EFNA1: variants seen among roughly 807,000 people sequenced by gnomAD.
The protein encoded by EFNA1 is ephrin-A1.
A neutral mutation model predicts 23.2 loss-of-function variants in EFNA1; 8 were observed. The ratio of observed to expected loss-of-function variants is 0.34; its 90% CI spans 0.20 to 0.62. The LOEUF is 0.62. EFNA1 is among the 20% of genes least tolerant of loss of function. EFNA1 has a pLI of 0.75. For missense variants in EFNA1, 217 were observed against 260.0 expected (o/e 0.83, Z 1.14); for synonymous variants, 89 against 98.6 (o/e 0.90, Z 0.58).
rs540289999 is a variant in EFNA1 at position 155,131,309 on chromosome 1, C to T, written c.93-30C>T. 4 of 1,586,804 alleles carry T rather than the reference C, an allele frequency of 2.5e-6. No individual in the cohort carries two copies. In the South Asian group the frequency reaches 3.3e-5, roughly 13 times the overall value. Reference sequence around the variant, plus strand: ...ATCTGGCCTGGCTTCTGAATGACCACCTGCTTCTTCCCCCTGTGTGTGTCC... The same window carrying T: ...ATCTGGCCTGGCTTCTGAATGACCATCTGCTTCTTCCCCCTGTGTGTGTCC... On this transcript the variant is annotated intron_variant, in intron 1 of 4. Coordinates refer to ENST00000368407, the MANE Select transcript of EFNA1 (RefSeq NM_004428.3).
rs748308594 is a variant in EFNA1 at position 155,134,027 on chromosome 1, C to A, written c.578C>A (p.Thr193Asn). 1.1e-5 allele frequency: 18 copies of A among 1,614,186 alleles called. No individual in the cohort carries two copies. The highest frequency in any genetic ancestry group is 1.5e-5 in the Non-Finnish European group (18 of 1,180,042). Reference sequence around the variant, plus strand: ...CCACGCCTCTTCCCACTTGCCTGGACTGTGCTGCTCCTTCCACTTCTGCTG... The same window carrying A: ...CCACGCCTCTTCCCACTTGCCTGGAATGTGCTGCTCCTTCCACTTCTGCTG... ...AAPRLFPLAW[T>N]VLLLPLLLLQ... Residue 193 changes from threonine to asparagine, a missense_variant, in exon 5 of 5, where the codon ACT (threonine) becomes AAT (asparagine). Physicochemically the swap from Thr to Asn is moderately conservative, Grantham distance 65 (BLOSUM62 0). Coordinates refer to ENST00000368407, the MANE Select transcript of EFNA1 (RefSeq NM_004428.3).
intron 2 of EFNA1, among the ~76,000 whole-genome samples, chr1:155,132,489 C>T (rs1472889009): frequency 6.6e-6 from 1 of 151,644 alleles, no homozygotes; most frequent in East Asian, 2.0e-4. Context: ...CTCAAGTGAT[C>T]TGCCCGCCTC....
At chr1:155,132,725 T>C (rs1428891461) in intron 2 of EFNA1, among the ~76,000 whole-genome samples, 5 of 151,008 alleles carry the variant, frequency 3.3e-5, no homozygotes, top group South Asian at 2.1e-4. Flanking sequence ...AGCTACTCAA[T>C]AGGCTGAGGC....
chr1:155,130,433 C>G (rs1664208310), intron 1 of EFNA1: 6 of 859,084 alleles, frequency 7.0e-6, no homozygotes, highest in Non-Finnish European at 7.0e-6. Flanking sequence ...GGGGAATGAA[C>G]TAGGGGAGGG....
At chr1:155,131,811 A>G (rs1439337620) in intron 2 of EFNA1, among the ~76,000 whole-genome samples, 177 bp downstream of exon 2, 2 of 152,174 alleles carry the variant, frequency 1.3e-5, no homozygotes, top group Non-Finnish European at 2.9e-5. Flanking sequence ...CACTCTGTTT[A>G]GCGCTATGAG....
Position 155,134,121 on chromosome 1 carries a change from C to A in EFNA1, c.*54C>A. ...GGGACAGGCTGAAGAGAGGGACAGGCACTCCAAACCTGTCTTGGGGCCACT... is the reference window on the plus strand; with the variant it reads ...GGGACAGGCTGAAGAGAGGGACAGGAACTCCAAACCTGTCTTGGGGCCACT... On this transcript the variant is annotated 3_prime_UTR_variant, in exon 5 of 5. Transcript: ENST00000368407. 6.4e-7 allele frequency: 1 copy of A among 1,553,838 alleles called. No individual in the cohort carries two copies. Among genetic ancestry groups the A allele is most frequent in the Non-Finnish European group, 8.8e-7 (1 of 1,138,080 alleles).
chr1:155,132,038 G>A (rs890950186), intron 2 of EFNA1, among the ~76,000 whole-genome samples: 1 of 151,944 alleles, frequency 6.6e-6, no homozygotes, highest in Non-Finnish European at 1.5e-5. Context: ...AGCTGGCCAG[G>A]CATGAAGGCA....
intron 2 of EFNA1, among the ~76,000 whole-genome samples, chr1:155,132,456 C>CCAA: frequency 6.6e-6 from 1 of 151,224 alleles, no homozygotes; most frequent in South Asian, 2.1e-4. Context: ...CCATGTTGGT[C>CCAA]AGACTGGTCT....
chr1:155,127,918 G>A lies in EFNA1; in HGVS notation c.-60G>A, dbSNP rs1664134016. ...GCTGACTGCGCCGCGGAGAAAGCCA[G>A]TGGGAACCCAGACCCATAGGAGACC... On this transcript the variant is annotated 5_prime_UTR_variant, in exon 1 of 5. In the 5' UTR this introduces an upstream ATG that the reference lacks. Coordinates refer to ENST00000368407, the MANE Select transcript of EFNA1 (RefSeq NM_004428.3). This position sits in a 1 kb window ranked among gnomAD's most constrained non-coding sequence, Gnocchi z 4.4. 1 of 1,381,398 alleles carries A rather than the reference G, an allele frequency of 7.2e-7. No individual in the cohort carries two copies. The highest frequency in any genetic ancestry group is 1.8e-5 in the Admixed American group (1 of 54,626). The allele number at this position is 1,381,398 out of a possible 1,614,324, so 85.6% of individuals were successfully genotyped here. A position where few individuals can be genotyped will look rare whatever the true frequency, so the allele number is the denominator to read the frequency against.
intron 1 of EFNA1, 161 bp from the exon 2 acceptor site, chr1:155,131,178 T>A: frequency 7.5e-7 from 1 of 1,341,308 alleles, no homozygotes; most frequent in Non-Finnish European, 9.9e-7. Context: ...CAGAGAGAAA[T>A]GTAAGACATC....
In EFNA1 at chr1:155,133,541, T is replaced by C. The variant is rs750972580; in HGVS notation, c.427T>C (p.Leu143=). 1.2e-6 allele frequency: 2 copies of C among 1,613,982 alleles called. No homozygotes were observed. Among genetic ancestry groups the C allele is most frequent in the Admixed American group, 1.7e-5 (1 of 59,966 alleles). The change falls in exon 3 of 5, where the codon TTG becomes CTG. Residue 143 remains leucine (L), a synonymous_variant. Transcript: ENST00000368407. ...CCAGCATGAAGACCGCTGCTTGAGGTTGAAGGTGACTGTCAGTGGCAAAAT... is the reference window on the plus strand; with the variant it reads ...CCAGCATGAAGACCGCTGCTTGAGGCTGAAGGTGACTGTCAGTGGCAAAAT... ...IHQHEDRCLR[L]KVTVSGKITH...
intron 1 of EFNA1, among the ~76,000 whole-genome samples, chr1:155,128,717 C>G (rs1189229643): frequency 1.6e-4 from 24 of 152,120 alleles, no homozygotes; most frequent in Admixed American, 1.6e-3. Flanking sequence ...AGAGGGAGAT[C>G]ATGGGAAAGC....
chr1:155,128,645 T>C (rs1256611549), intron 1 of EFNA1, among the ~76,000 whole-genome samples: 4 of 152,146 alleles, frequency 2.6e-5, no homozygotes, highest in African/African-American at 9.7e-5. Context: ...ATGCTGTGCA[T>C]GGGTAGGCTG....
rs1357831879 is a variant in EFNA1 at position 155,134,535 on chromosome 1, T to C, written c.*468T>C. On this transcript the variant is annotated 3_prime_UTR_variant, in exon 5 of 5. Coordinates refer to ENST00000368407, the MANE Select transcript of EFNA1 (RefSeq NM_004428.3). ...CCAGGTACAGGAGAGGCAGCATGCT[T>C]GGGCTGACCCAGCATCTCCCAGCAA... 4.9e-6 allele frequency: 1 copy of C among 202,350 alleles called. No homozygotes were observed. The highest frequency in any genetic ancestry group is 1.0e-5 in the Non-Finnish European group (1 of 97,414). The allele number at this position is 202,350 out of a possible 1,614,324, so 12.5% of individuals were successfully genotyped here.
chr1:155,134,149 C>CA lies in EFNA1; in HGVS notation c.*83dup. 7.3e-7 allele frequency: 1 copy of CA among 1,361,880 alleles called. No homozygotes were observed. Among genetic ancestry groups the CA allele is most frequent in the Non-Finnish European group, 1.0e-6 (1 of 976,524 alleles). The allele number at this position is 1,361,880 out of a possible 1,614,324, so 84.4% of individuals were successfully genotyped here. A position where few individuals can be genotyped will look rare whatever the true frequency, so the allele number is the denominator to read the frequency against. ...TCCAAACCTGTCTTGGGGCCACTTT[C>CA]AGAGCCCCCAGCCCTGGGAACCACT... On this transcript the variant is annotated 3_prime_UTR_variant, in exon 5 of 5. Coordinates refer to ENST00000368407, the MANE Select transcript of EFNA1 (RefSeq NM_004428.3).
At chr1:155,128,177 G>T (rs995598969) in intron 1 of EFNA1, 108 bp downstream of exon 1, 9 of 940,994 alleles carry the variant, frequency 9.6e-6, no homozygotes, top group Non-Finnish European at 1.5e-5. Flanking sequence ...GATGACCGAG[G>T]TAGGAGGGCG....
chr1:155,128,407 C>G (rs76790124), intron 1 of EFNA1, among the ~76,000 whole-genome samples: 1,895 of 152,156 alleles, frequency 0.012, 46 homozygotes, highest in African/African-American at 0.043. Flanking sequence ...CCCCACCCCC[C>G]CACTGTGAAA....
intron 2 of EFNA1, among the ~76,000 whole-genome samples, chr1:155,131,882 C>A (rs1247882695): frequency 6.6e-6 from 1 of 152,136 alleles, no homozygotes; most frequent in African/African-American, 2.4e-5. Context: ...AAGAAACACA[C>A]ATAGGTTAAG....
At chr1:155,130,565 T>C in intron 1 of EFNA1, 1 of 984,388 alleles carries the variant, frequency 1.0e-6, no homozygotes, top group Non-Finnish European at 1.2e-6. Context: ...GCATTTCATC[T>C]AGGGGGAGGT....
Sources: gnomAD v4.1 joint callset for allele counts (sites outside exome capture counted in the v4.1 genomes callset) on GRCh38, gnomAD v4.1.1 for gene constraint, Gnocchi (gnomAD v3.1) non-coding constraint, MANE v1.5 for transcripts, NCBI Gene and HGNC (gene_info 2026-07-23, HGNC 2026-07-21) for gene names.